Variants in CFTR observed in about 807,000 individuals in gnomAD.
CFTR encodes cystic fibrosis transmembrane conductance regulator.
CFTR carries 181 observed loss-of-function variants against 171.6 expected under a neutral mutation model. The ratio of observed to expected loss-of-function variants is 1.05; its 90% CI spans 0.93 to 1.19. CFTR has a LOEUF of 1.19. Ranked by LOEUF, CFTR falls within the 50% of genes most tolerant of loss-of-function variation. CFTR has a pLI of 0.00. For missense variants in CFTR, 1,968 were observed against 1,734.7 expected, an observed-to-expected ratio of 1.13 and a Z score of -2.39; for synonymous variants, 583 against 608.0, an observed-to-expected ratio of 0.96 and a Z score of 0.60.
At chr7:117,520,219 T>A (rs1175359079) in intron 3 of CFTR, among the ~76,000 whole-genome samples, 3 of 151,480 alleles carry the variant, frequency 2.0e-5, no homozygotes, top group African/African-American at 7.2e-5. Flanking sequence ...TATGAGAGAA[T>A]ATTTTCCCTA....
intron 21 of CFTR, among the ~76,000 whole-genome samples, chr7:117,621,674 A>G (rs1462527886): frequency 1.3e-5 from 2 of 152,242 alleles, no homozygotes; most frequent in Non-Finnish European, 1.5e-5. Flanking sequence ...GAGAAAAATC[A>G]TATTAAAATA....
At chr7:117,620,784 A>G (rs1168019730) in intron 21 of CFTR, among the ~76,000 whole-genome samples, 1 of 152,184 alleles carries the variant, frequency 6.6e-6, no homozygotes, top group African/African-American at 2.4e-5. Context: ...ACAAGTTCTC[A>G]TCCTAGTAGC....
intron 1 of CFTR, among the ~76,000 whole-genome samples, chr7:117,501,772 G>GAAACAAAAAAAAAAAAAAAAAAAA (rs1798333010): frequency 1.8e-4 from 13 of 73,512 alleles, no homozygotes; most frequent in South Asian, 8.9e-4. Flanking sequence ...AAAAAAAAAA[G>GAAACAAAAAAAAAAAAAAAAAAAA]AAACAAAAAA....
At chr7:117,591,192 T>C (rs1374818354) in intron 13 of CFTR, among the ~76,000 whole-genome samples, 1 of 152,148 alleles carries the variant, frequency 6.6e-6, no homozygotes, top group Non-Finnish European at 1.5e-5. Context: ...GATACTATCT[T>C]TTCAACCCTG....
At chr7:117,549,295 T>G (rs1303750976) in intron 10 of CFTR, among the ~76,000 whole-genome samples, 1 of 152,176 alleles carries the variant, frequency 6.6e-6, no homozygotes. Context: ...GAAAAATTAT[T>G]TAGTGGGATA....
At chr7:117,530,494 G>T (rs1372063956) in intron 3 of CFTR, among the ~76,000 whole-genome samples, 1 of 151,916 alleles carries the variant, frequency 6.6e-6, no homozygotes, top group Non-Finnish European at 1.5e-5. Context: ...CTGTAGCAAA[G>T]AAAGTCTCTA....
chr7:117,619,868 C>T (rs574376035), intron 21 of CFTR, among the ~76,000 whole-genome samples: 30 of 152,052 alleles, frequency 2.0e-4, no homozygotes, highest in African/African-American at 7.2e-4. Context: ...TACAAACTCC[C>T]TGGGTTTCTC....
chr7:117,608,848 T>TA (rs911073205), intron 18 of CFTR, among the ~76,000 whole-genome samples: 13 of 152,108 alleles, frequency 8.5e-5, no homozygotes, highest in African/African-American at 2.9e-4. Flanking sequence ...TTTCTTTTTT[T>TA]AAAAAAAAGT....
At chr7:117,552,787 T>C (rs1799294105) in intron 10 of CFTR, among the ~76,000 whole-genome samples, 1 of 152,158 alleles carries the variant, frequency 6.6e-6, no homozygotes, top group African/African-American at 2.4e-5. Flanking sequence ...CTTCTTGCTT[T>C]TCCCACTATC....
intron 11 of CFTR, chr7:117,564,608 A>G (rs1791569200): frequency 6.0e-6 from 1 of 166,924 alleles, no homozygotes; most frequent in Admixed American, 6.5e-5. Flanking sequence ...AACATTCATG[A>G]TTCAGTATAT....
At chr7:117,598,786 T>C (rs1405835368) in intron 15 of CFTR, among the ~76,000 whole-genome samples, 1 of 152,192 alleles carries the variant, frequency 6.6e-6, no homozygotes, top group African/African-American at 2.4e-5. Flanking sequence ...ACCATGAAAC[T>C]GAGCAAGTTA....
chr7:117,541,937 TGA>T (rs1403400650), intron 8 of CFTR, 77 bp from the exon 9 acceptor site: 2 of 643,218 alleles, frequency 3.1e-6, no homozygotes, highest in Non-Finnish European at 5.8e-6. Flanking sequence ...TGTAGCACAA[TGA>T]GAGTATAAAG....
chr7:117,535,323 T>C lies in CFTR; in HGVS notation c.655T>C (p.Leu219=). 1.2e-6 allele frequency: 2 copies of C among 1,614,120 alleles called. No individual in the cohort carries two copies. The highest frequency in any genetic ancestry group is 1.7e-6 in the Non-Finnish European group (2 of 1,179,996). Reference sequence around the variant, plus strand: ...CCTCATGGGGCTAATCTGGGAGTTGTTACAGGCGTCTGCCTTCTGTGGACT... The same window carrying C: ...CCTCATGGGGCTAATCTGGGAGTTGCTACAGGCGTCTGCCTTCTGTGGACT... ...ALLMGLIWEL[L]QASAFCGLGF... Residue 219 remains leucine, a synonymous_variant, in exon 6 of 27, where the codon TTA becomes CTA. Transcript: ENST00000003084.
rs1315709073 is a variant in CFTR, at chr7:117,667,248, G to GA, written c.*143dup. 1 of 797,780 alleles carries GA rather than the reference G, an allele frequency of 1.3e-6. No homozygotes were observed. Among genetic ancestry groups the GA allele is most frequent in the Non-Finnish European group, 2.1e-6 (1 of 468,160 alleles). The allele number at this position is 797,780 out of a possible 1,614,324, so 49.4% of individuals were successfully genotyped here. ...ATGAATTAAGTTTTTTTTTAAAAAAGAAACATTTGGTAAGGGGAATTGAGG... is the reference window on the plus strand; with the variant it reads ...ATGAATTAAGTTTTTTTTTAAAAAAGAAAACATTTGGTAAGGGGAATTGAGG... On this transcript the variant is annotated 3_prime_UTR_variant, in exon 27 of 27. Coordinates refer to ENST00000003084, the MANE Select transcript of CFTR (RefSeq NM_000492.4).
chr7:117,629,165 C>G (rs890621115), intron 22 of CFTR, among the ~76,000 whole-genome samples: 3 of 152,140 alleles, frequency 2.0e-5, no homozygotes, highest in Non-Finnish European at 2.9e-5. Flanking sequence ...ATTTCATTTT[C>G]TCTGAACCTG....
chr7:117,590,264 C>A, intron 12 of CFTR, 89 bp from the exon 13 acceptor site: 1 of 1,458,918 alleles, frequency 6.9e-7, no homozygotes, highest in Non-Finnish European at 9.4e-7. Flanking sequence ...TATTGTAATG[C>A]ATGTAGTGAA....
At chr7:117,510,922 T>C (rs1798507577) in intron 3 of CFTR, among the ~76,000 whole-genome samples, 1 of 152,186 alleles carries the variant, frequency 6.6e-6, no homozygotes, top group South Asian at 2.1e-4. Context: ...AACAGGAAGT[T>C]GAGCGTGAGG....
At chr7:117,529,688 A>G (rs1271058197) in intron 3 of CFTR, among the ~76,000 whole-genome samples, 1 of 152,142 alleles carries the variant, frequency 6.6e-6, no homozygotes, top group East Asian at 1.9e-4. Context: ...ACATTGATGT[A>G]GAAAGCATGG....
At chr7:117,534,120 C>T (rs1798906552) in intron 4 of CFTR, among the ~76,000 whole-genome samples, 156 bp from the exon 5 acceptor site, 1 of 152,030 alleles carries the variant, frequency 6.6e-6, no homozygotes, top group African/African-American at 2.4e-5. Flanking sequence ...ATTTATGAAC[C>T]TGAGAAGATA....
Sources: allele counts gnomAD v4.1 joint callset (sites outside exome capture counted in the v4.1 genomes callset), GRCh38; gene constraint gnomAD v4.1.1; transcripts MANE v1.5; gene names NCBI Gene and HGNC (gene_info 2026-07-23, HGNC 2026-07-21).